The following HLA-DQB1 variants were observed in gnomAD, a reference collection of about 807,000 sequenced individuals.
The protein encoded by HLA-DQB1 is major histocompatibility complex, class II, DQ beta 1.
HLA-DQB1 carries 13 observed loss-of-function variants against 26.4 expected under a neutral mutation model. The ratio of observed to expected loss-of-function variants is 0.49; its 90% confidence interval spans 0.32 to 0.78. The LOEUF is 0.78. HLA-DQB1 is among the 30% of genes least tolerant of loss of function. HLA-DQB1 has a pLI of 0.03. For missense variants in HLA-DQB1, 158 were observed against 326.2 expected, an observed-to-expected ratio of 0.48 and a Z score of 3.97; for synonymous variants, 60 against 129.1, an observed-to-expected ratio of 0.46 and a Z score of 3.63.
chr6:32,662,912 T>G (rs9274194), intron 2 of HLA-DQB1: 11 of 137,894 alleles, frequency 8.0e-5, no homozygotes, highest in Non-Finnish European at 1.6e-5. Flanking sequence ...ACTTTCTTGT[T>G]CTGAAATCAG....
chr6:32,661,666 T>C (rs9273777), intron 3 of HLA-DQB1: 255,120 of 385,248 alleles, frequency 0.66, 102,280 homozygotes, highest in South Asian at 0.84. Context: ...ATCTCTGCTC[T>C]TCAAGAACTC....
At chr6:32,662,966 T>C (rs281863642) in intron 2 of HLA-DQB1, 1 of 136,132 alleles carries the variant, frequency 7.3e-6, no homozygotes, top group Non-Finnish European at 1.6e-5. Flanking sequence ...CTGAGATCCG[T>C]GCAGAGGTCG....
intron 1 of HLA-DQB1, 119 bp downstream of exon 1, chr6:32,666,380 A>T (rs281860954): frequency 2.3e-6 from 1 of 430,156 alleles, no homozygotes; most frequent in Non-Finnish European, 4.1e-6. Context: ...CCCAAGAGAG[A>T]GGAAATGTTG....
intron 1 of HLA-DQB1, among the ~76,000 whole-genome samples, 185 bp from the exon 2 acceptor site, chr6:32,665,252 G>GGAT (rs771997141): frequency 8.4e-6 from 1 of 118,848 alleles, no homozygotes; most frequent in Non-Finnish European, 1.8e-5. Context: ...TTCTTTGCGG[G>GGAT]CTTCTGGAAT....
chr6:32,662,595 A>AGC (rs2151013384), intron 2 of HLA-DQB1: 1 of 79,462 alleles, frequency 1.3e-5, no homozygotes, highest in Non-Finnish European at 2.4e-5. Flanking sequence ...CAAAACAAAT[A>AGC]ACCCTTGATC....
chr6:32,661,450 C>G, exon 4 of HLA-DQB1: 1 of 1,093,128 alleles, frequency 9.1e-7, no homozygotes, highest in Non-Finnish European at 1.3e-6. Flanking sequence ...CAGATTCAGA[C>G]TGAGCCCCTA....
Position 32,660,864 on chromosome 6 carries a change from G to C in HLA-DQB1, c.772+483C>G, listed in dbSNP as rs980470053. 2.0e-5 allele frequency: 31 copies of C among 1,513,048 alleles called. No individual in the cohort carries two copies. In the Admixed American group the frequency reaches 6.4e-4, roughly 31 times the overall value. 93.7% of individuals were successfully genotyped at this position (1,513,048 alleles called of 1,614,324 possible). On this transcript the variant is annotated intron_variant, in intron 4 of 4. Coordinates refer to ENST00000434651, the Ensembl canonical transcript of HLA-DQB1. ...GATCATGGCTGAAATATTACCTGCT[G>C]GTGGAGGCCCTTGAGGTCTTACAAA...
At position 32,662,029 on chromosome 6, in the gene HLA-DQB1, C is replaced by T. The variant is rs9273942; in HGVS notation, c.599G>A (p.Gly200Glu). Residue 200 changes from glycine to glutamate, a missense_variant, in exon 3 of 5, where the codon GGA (glycine) becomes GAA (glutamate). Coordinates refer to ENST00000434651, the Ensembl canonical transcript of HLA-DQB1. ...CTCCACGTGGCAGGTGTAGACATCTCCACGCTGGGGAGTCATTTCCAGCAT... is the reference window on the plus strand; with the variant it reads ...CTCCACGTGGCAGGTGTAGACATCTTCACGCTGGGGAGTCATTTCCAGCAT... 146 of 1,498,500 alleles carry T rather than the reference C, an allele frequency of 9.7e-5. 10 individuals are homozygous for T. The South Asian group carries it at 1.6e-3, about 17-fold the overall frequency. 92.8% of individuals were successfully genotyped at this position (1,498,500 alleles called of 1,614,324 possible). A position where few individuals can be genotyped will look rare whatever the true frequency, so the allele number is the denominator to read the frequency against.
chr6:32,661,527 C>G, intron 3 of HLA-DQB1, 70 bp from the exon 4 acceptor site: 1 of 955,562 alleles, frequency 1.0e-6, no homozygotes, highest in Non-Finnish European at 1.5e-6. Context: ...GAGTTGAAGT[C>G]CAGTCTGAGG....
chr6:32,666,055 G>A (rs281861219), intron 1 of HLA-DQB1, among the ~76,000 whole-genome samples: 2 of 113,870 alleles, frequency 1.8e-5, no homozygotes, highest in African/African-American at 6.7e-5. Context: ...CAGGAATAGA[G>A]ACAAATTTTC....
intron 1 of HLA-DQB1, among the ~76,000 whole-genome samples, chr6:32,665,527 C>T (rs281861655): frequency 5.0e-5 from 7 of 139,108 alleles, no homozygotes; most frequent in African/African-American, 2.6e-5. Context: ...TCTCTTGGTC[C>T]CTGGGTAAAA....
In HLA-DQB1 at chr6:32,664,808, C is replaced by T; in HGVS notation, c.369G>A (p.Leu123=). ...GGCGACGACGCTCACCTCTCCTCTG[C>T]AAGATCCCGCGGAACGCCACCTCGT... Residue 123 remains leucine (L), a synonymous_variant, in exon 2 of 5, where the codon TTG becomes TTA. Transcript: ENST00000434651. The T allele has an allele frequency of 2.8e-6, 3 of 1,080,696 alleles. 1 individual carries two copies. Among genetic ancestry groups the T allele is most frequent in the Non-Finnish European group, 3.9e-6 (3 of 761,446 alleles). 66.9% of individuals were successfully genotyped at this position (1,080,696 alleles called of 1,614,324 possible). A position where few individuals can be genotyped will look rare whatever the true frequency, so the allele number is the denominator to read the frequency against.
exon 1 of HLA-DQB1, chr6:32,666,577 C>G (rs907953592): frequency 5.9e-6 from 7 of 1,187,750 alleles, no homozygotes; most frequent in Non-Finnish European, 6.1e-6. Flanking sequence ...CGAAGGTCTC[C>G]GGGGATCCGC....
intron 1 of HLA-DQB1, among the ~76,000 whole-genome samples, chr6:32,665,979 C>T (rs9274481): frequency 0.14 from 17,009 of 120,900 alleles, 1,410 homozygotes; most frequent in Middle Eastern, 0.19. Context: ...AAGACTCCCT[C>T]TCTGTGGTCA....
At chr6:32,662,599 CT>C (rs67997990) in intron 2 of HLA-DQB1, 41,093 of 63,834 alleles carry the variant, frequency 0.64, 17,156 homozygotes, top group South Asian at 0.81. Context: ...ACAAATAACC[CT>C]TGATCAAACA....
At chr6:32,662,965 G>A (rs9274201) in intron 2 of HLA-DQB1, 28,133 of 129,122 alleles carry the variant, frequency 0.22, 4,547 homozygotes, top group South Asian at 0.29. Context: ...TCTGAGATCC[G>A]TGCAGAGGTC....
rs63357360 is a variant in HLA-DQB1, at chr6:32,661,682, TA to T, written c.662-226del. 7.9e-4 allele frequency: 329 copies of T among 418,350 alleles called. 1 individual carries two copies. Among genetic ancestry groups the T allele is most frequent in the Admixed American group, 1.7e-3 (33 of 19,640 alleles). 25.9% of individuals were successfully genotyped at this position (418,350 alleles called of 1,614,324 possible). A position where few individuals can be genotyped will look rare whatever the true frequency, so the allele number is the denominator to read the frequency against. ...TCTCTGCTCTTCAAGAACTCATCCATAACCTTAGACCCTAAGATCCCAGTCA... is the reference window on the plus strand; with the variant it reads ...TCTCTGCTCTTCAAGAACTCATCCATACCTTAGACCCTAAGATCCCAGTCA... On this transcript the variant is annotated intron_variant, in intron 3 of 4. Transcript: ENST00000434651.
chr6:32,664,991 G>A lies in HLA-DQB1; in HGVS notation c.186C>T (p.Tyr62=). Residue 62 remains tyrosine, a synonymous_variant, in exon 2 of 5, where the codon TAC becomes TAT. Transcript: ENST00000434651. ...GCGCGTACTCCTCTCGGTTATAGAT[G>A]TATCTGGTCACAAGACGCACGCGCT... The A allele has an allele frequency of 1.5e-6, 2 of 1,373,244 alleles. 1 individual carries two copies. The highest frequency in any genetic ancestry group is 2.0e-6 in the Non-Finnish European group (2 of 975,656). 85.1% of individuals were successfully genotyped at this position (1,373,244 alleles called of 1,614,324 possible).
In HLA-DQB1 at chr6:32,661,437, G is replaced by A. The variant is rs1245322203; in HGVS notation, c.682C>T (p.Gln228Ter). ...CCAACGCCACTCAGCATCTTGCTCT[G>A]GGCAGATTCAGACTGAGCCCCTAAA... The change falls in exon 4 of 5, where the codon CAG (glutamine) becomes TAG (stop). Residue 228 changes from glutamine (Q) to a stop codon, truncating the protein, a stop_gained. Coordinates refer to ENST00000434651, the Ensembl canonical transcript of HLA-DQB1. LOFTEE classifies it high-confidence loss of function. 4.2e-6 allele frequency: 5 copies of A among 1,181,056 alleles called. 1 individual carries two copies. The highest frequency in any genetic ancestry group is 5.8e-6 in the Non-Finnish European group (5 of 861,484). 73.2% of individuals were successfully genotyped at this position (1,181,056 alleles called of 1,614,324 possible).
Sources: allele counts gnomAD v4.1 joint callset (sites outside exome capture counted in the v4.1 genomes callset), GRCh38; gene constraint gnomAD v4.1.1; transcripts MANE v1.5; gene names NCBI Gene and HGNC (gene_info 2026-07-23, HGNC 2026-07-21).